CCDC181: variants seen among roughly 807,000 people sequenced by gnomAD.
CCDC181 encodes the protein coiled-coil domain-containing protein 181.
In CCDC181, 35 loss-of-function variants were observed where a neutral mutation model predicts 58.7. The ratio of observed to expected loss-of-function variants is 0.60; its 90% CI spans 0.46 to 0.79. CCDC181 has a LOEUF of 0.79. CCDC181 is among the 30% of genes least tolerant of loss of function. The pLI, the probability that CCDC181 is intolerant of heterozygous loss-of-function variation, is 0.00. For synonymous variants in CCDC181, 183 were observed against 197.5 expected, an observed-to-expected ratio of 0.93 and a Z score of 0.62; for missense variants, 517 against 583.9, an observed-to-expected ratio of 0.89 and a Z score of 1.18.
chr1:169,421,566 C>T lies in CCDC181; in HGVS notation c.865G>A (p.Ala289Thr). 6.2e-7 allele frequency: 1 copy of T among 1,614,096 alleles called. No homozygotes were observed. The highest frequency in any genetic ancestry group is 2.2e-5 in the East Asian group (1 of 44,882). The part of the protein sequence containing the change: ...VTHSSTGEPL[A>T]YIAQPPLNRK... ...TTGAGTGGTGGCTGAGCGATATAAG[C>T]CAGCGGCTCTCCTGTTGATGAGTGA... The change falls in exon 3 of 6, where the codon GCT (alanine) becomes ACT (threonine). Residue 289 changes from alanine (A) to threonine (T), a missense_variant. Transcript: ENST00000367806.
At chr1:169,423,137 G>GCTT (rs1440146811) in intron 2 of CCDC181, among the ~76,000 whole-genome samples, 1 of 150,520 alleles carries the variant, frequency 6.6e-6, no homozygotes, top group African/African-American at 2.4e-5. Context: ...GCTACTACAT[G>GCTT]CTTCTCTCTT....
chr1:169,419,119 C>T lies in CCDC181; in HGVS notation c.1109G>A (p.Arg370Lys). Residue 370 changes from arginine to lysine, a missense_variant, in exon 4 of 6, where the codon AGA becomes AAA. Arg to Lys is a conservative substitution (Grantham distance 26, BLOSUM62 2). Transcript: ENST00000367806. ...RKIEEEKEKK[R>K]ENDIVFKAWL... ...CGCTTTAAATACTATGTCATTCTCT[C>T]TCTTTTTTTCTTTCTCTTCTTCTAT... 1 of 1,608,548 alleles carries T rather than the reference C, an allele frequency of 6.2e-7. No individual in the cohort carries two copies. Among genetic ancestry groups the T allele is most frequent in the Non-Finnish European group, 8.5e-7 (1 of 1,178,834 alleles).
chr1:169,445,508 C>T (rs1195207406), intron 2 of CCDC181, among the ~76,000 whole-genome samples: 1 of 152,154 alleles, frequency 6.6e-6, no homozygotes, highest in Non-Finnish European at 1.5e-5. Context: ...AGTGGCATAT[C>T]ATCCTTTTTG....
At chr1:169,426,470 G>GT (rs1349030238) in intron 1 of CCDC181, among the ~76,000 whole-genome samples, 1 of 152,158 alleles carries the variant, frequency 6.6e-6, no homozygotes, top group African/African-American at 2.4e-5. Context: ...CGGAACTGTA[G>GT]TAAGAGACGG....
At chr1:169,445,778 G>A (rs1383370283) in intron 2 of CCDC181, among the ~76,000 whole-genome samples, 1 of 152,122 alleles carries the variant, frequency 6.6e-6, no homozygotes, top group Non-Finnish European at 1.5e-5. Context: ...TTCTTTCTTG[G>A]AAGGTTATTA....
rs569263377 is a variant in CCDC181 at position 169,406,833 on chromosome 1, T to G, written c.1216-9442A>C. 5.5e-5 allele frequency among the ~76,000 whole-genome samples: 8 copies of G among 146,382 alleles called. No individual in the cohort carries two copies. In the South Asian group the frequency reaches 1.8e-3, roughly 32 times the overall value. On this transcript the variant is annotated intron_variant, in intron 4 of 5. Transcript: ENST00000367806. ...CCACCACAAAAAAAATAAAAAAAAA[T>G]AAACCAACAAACAAACACAACCTAA...
chr1:169,412,844 C>G (rs924367127), intron 4 of CCDC181, among the ~76,000 whole-genome samples: 2 of 152,124 alleles, frequency 1.3e-5, no homozygotes, highest in African/African-American at 4.8e-5. Context: ...AAACTGTACC[C>G]CTTCCTTACA....
At position 169,440,931 on chromosome 1, in the gene CCDC181, T is replaced by TAAAAAAAA. The variant is rs72040890; in HGVS notation, c.-23-15989_-23-15982dup. ...GCCCAGGCAACAGAGCAAGACTGTC[T>TAAAAAAAA]AAAAAAAAAAAAAAGGCAAGATGAG... On this transcript the variant is annotated intron_variant, in intron 2 of 6. Transcript: ENST00000545005. 8.7e-4 allele frequency among the ~76,000 whole-genome samples: 67 copies of TAAAAAAAA among 76,890 alleles called. 3 individuals are homozygous for TAAAAAAAA. The highest frequency in any genetic ancestry group is 3.2e-3 in the African/African-American group (60 of 18,870). The allele number at this position is 76,890 out of a possible 152,430, so 50.4% of individuals were successfully genotyped here.
intron 4 of CCDC181, among the ~76,000 whole-genome samples, chr1:169,410,913 C>G (rs994598017): frequency 4.6e-5 from 7 of 152,142 alleles, no homozygotes; most frequent in African/African-American, 1.7e-4. Flanking sequence ...AAATTTACAG[C>G]ACTAAATGCC....
intron 4 of CCDC181, among the ~76,000 whole-genome samples, chr1:169,400,131 C>T (rs1284367479): frequency 6.6e-6 from 1 of 152,186 alleles, no homozygotes; most frequent in African/African-American, 2.4e-5. Context: ...GTTTTGGAGA[C>T]ATTGGAGTTC....
chr1:169,446,875 A>C (rs1013962286), intron 2 of CCDC181, among the ~76,000 whole-genome samples: 3 of 152,166 alleles, frequency 2.0e-5, no homozygotes, highest in African/African-American at 4.8e-5. Context: ...TAATGTTATA[A>C]ATTTCCCTCT....
chr1:169,405,362 A>G (rs931899745), intron 4 of CCDC181, among the ~76,000 whole-genome samples: 9 of 152,216 alleles, frequency 5.9e-5, no homozygotes, highest in Non-Finnish European at 1.2e-4. Flanking sequence ...AATCCTAAGC[A>G]AAAAGAACAA....
intron 4 of CCDC181, among the ~76,000 whole-genome samples, chr1:169,398,934 A>G (rs955248152): frequency 6.6e-6 from 1 of 152,218 alleles, no homozygotes; most frequent in Non-Finnish European, 1.5e-5. Context: ...CTGGAGAAAA[A>G]CAGTGGTAAC....
intron 4 of CCDC181, among the ~76,000 whole-genome samples, chr1:169,406,177 G>A (rs1009169879): frequency 6.6e-6 from 1 of 152,188 alleles, no homozygotes; most frequent in Admixed American, 6.5e-5. Context: ...GGAGAAATAG[G>A]AACTCTTTTA....
At position 169,401,430 on chromosome 1, in the gene CCDC181, G is replaced by A. The variant is rs530383915; in HGVS notation, c.1216-4039C>T. Among the ~76,000 whole-genome samples the A allele has an allele frequency of 2.0e-3, 299 of 152,296 alleles. 4 individuals carry two copies. Among genetic ancestry groups the A allele is most frequent in the African/African-American group, 7.0e-3 (290 of 41,568 alleles). On this transcript the variant is annotated intron_variant, in intron 4 of 5. Transcript: ENST00000367806. ...GGCCAACTGACACCTCATACAGCCG[G>A]GTGCCCCTCTGAGACGAAGCTTCCA...
intron 2 of CCDC181, among the ~76,000 whole-genome samples, chr1:169,445,882 C>T (rs903922832): frequency 6.6e-6 from 1 of 152,062 alleles, no homozygotes; most frequent in Non-Finnish European, 1.5e-5. Flanking sequence ...AATCTGTGTG[C>T]ATAGAGCTGT....
intron 1 of CCDC181, among the ~76,000 whole-genome samples, chr1:169,425,346 CA>C (rs1472620317): frequency 6.6e-5 from 10 of 152,230 alleles, no homozygotes; most frequent in Middle Eastern, 6.8e-3. Context: ...AACTGTTATT[CA>C]ACTTAATTAT....
At chr1:169,418,692 CA>C (rs1656322088) in intron 4 of CCDC181, 1 of 315,940 alleles carries the variant, frequency 3.2e-6, no homozygotes, top group Admixed American at 4.8e-5. Context: ...TAAGTGAGAC[CA>C]GTCTCTAGGG....
rs1479740190 is a variant in CCDC181 at position 169,394,925 on chromosome 1, ACT to A, written c.*120_*121del. The A allele has an allele frequency of 4.5e-6, 4 of 892,010 alleles. No individual in the cohort carries two copies. 55.3% of individuals were successfully genotyped at this position (892,010 alleles called of 1,614,324 possible). ...GTTCTAGTATTAAAAAAACAAATTC[ACT>A]GTCAATAAAAGATAAATACCATTTC... On this transcript the variant is annotated 3_prime_UTR_variant, in exon 6 of 6. Transcript: ENST00000367806.
Sources: allele counts gnomAD v4.1 joint callset (sites outside exome capture counted in the v4.1 genomes callset), GRCh38; gene constraint gnomAD v4.1.1; transcripts MANE v1.5; gene names NCBI Gene and HGNC (gene_info 2026-07-23, HGNC 2026-07-21).